Variants in PTPRF observed in about 807,000 individuals in gnomAD.
The protein encoded by PTPRF is receptor-type tyrosine-protein phosphatase F.
In PTPRF, 59 loss-of-function variants were observed where a neutral mutation model predicts 201.8. The ratio of observed to expected loss-of-function variants is 0.29; its 90% CI spans 0.24 to 0.36. PTPRF has a LOEUF of 0.36. Among genes scored for constraint, PTPRF ranks in the 10% least tolerant of loss-of-function variants. The pLI, the probability that PTPRF is intolerant of heterozygous loss-of-function variation, is 1.00. For missense variants in PTPRF, 2,132 were observed against 2,690.5 expected, an observed-to-expected ratio of 0.79 and a Z score of 4.59; for synonymous variants, 1,088 against 1,089.7, an observed-to-expected ratio of 1.00 and a Z score of 0.03.
In PTPRF at chr1:43,619,588, G is replaced by A; in HGVS notation, c.4932+15G>A. On this transcript the variant is annotated intron_variant, in intron 28 of 33. Transcript: ENST00000359947. Reference sequence around the variant, plus strand: ...TCGAGTTCAAGGTGGGGCTCGGGTGGGCCTGCTTGGCTCCAGGGCCTAGAC... The same window carrying A: ...TCGAGTTCAAGGTGGGGCTCGGGTGAGCCTGCTTGGCTCCAGGGCCTAGAC... 1 of 1,610,864 alleles carries A rather than the reference G, an allele frequency of 6.2e-7. No homozygotes were observed.
At position 43,582,407 on chromosome 1, in the gene PTPRF, C is replaced by A. The variant is rs527966031; in HGVS notation, c.679+3487C>A. The A allele has an allele frequency of 1.4e-3, 209 of 152,512 alleles. 1 individual carries two copies. The highest frequency in any genetic ancestry group is 0.014 in the Middle Eastern group (4 of 296). 9.4% of individuals were successfully genotyped at this position (152,512 alleles called of 1,614,324 possible). A position where few individuals can be genotyped will look rare whatever the true frequency, so the allele number is the denominator to read the frequency against. ...CCCAGGCATGCTGGGTGGGCCAGAG[C>A]CTTTCTCCTTCACCACCTGACTCTC... On this transcript the variant is annotated intron_variant, in intron 7 of 33. Transcript: ENST00000359947.
At chr1:43,544,675 G>T (rs1412096243) in intron 2 of PTPRF, among the ~76,000 whole-genome samples, 1 of 152,192 alleles carries the variant, frequency 6.6e-6, no homozygotes, top group Admixed American at 6.5e-5. Flanking sequence ...CCTCTTATGG[G>T]GGTGAGTTAG....
intron 22 of PTPRF, 83 bp from the exon 23 acceptor site, chr1:43,613,535 G>A (rs903558548): frequency 1.8e-6 from 2 of 1,110,302 alleles, no homozygotes; most frequent in Admixed American, 1.7e-5. Context: ...GTTCACATGT[G>A]CACATACATG....
intron 2 of PTPRF, among the ~76,000 whole-genome samples, chr1:43,541,344 C>T (rs1644350581): frequency 1.3e-5 from 2 of 152,228 alleles, no homozygotes; most frequent in Admixed American, 6.5e-5. Flanking sequence ...AAGCCCCCAT[C>T]ACATGGTCCC....
chr1:43,528,720 C>T (rs1643222308), upstream of PTPRF: 1 of 152,184 alleles, frequency 6.6e-6, no homozygotes, highest in Admixed American at 6.5e-5. Flanking sequence ...GATTAAATTG[C>T]TGAAGATGCC....
chr1:43,527,088 A>G (rs1643147667), upstream of PTPRF, among the ~76,000 whole-genome samples: 1 of 152,232 alleles, frequency 6.6e-6, no homozygotes, highest in Admixed American at 6.5e-5. Flanking sequence ...AGGTGTATTT[A>G]CGTCATGAGT....
At chr1:43,593,143 G>A (rs1398253298) in intron 11 of PTPRF, among the ~76,000 whole-genome samples, 1 of 152,252 alleles carries the variant, frequency 6.6e-6, no homozygotes, top group East Asian at 1.9e-4. Flanking sequence ...GCCCACGTGT[G>A]CCTTGAATTG....
chr1:43,608,480 G>C (rs1655671928), intron 21 of PTPRF, among the ~76,000 whole-genome samples: 1 of 152,176 alleles, frequency 6.6e-6, no homozygotes, highest in African/African-American at 2.4e-5. Context: ...CAGGCTCCCT[G>C]GTTCAGGACT....
intron 7 of PTPRF, among the ~76,000 whole-genome samples, chr1:43,586,996 A>G (rs915896878): frequency 6.6e-5 from 10 of 152,230 alleles, no homozygotes; most frequent in Non-Finnish European, 1.5e-4. Flanking sequence ...CTGAATGTCT[A>G]CAAGATACTC....
chr1:43,594,237 C>T (rs1651645099), intron 11 of PTPRF, among the ~76,000 whole-genome samples: 1 of 792 alleles, frequency 1.3e-3, no homozygotes, highest in South Asian at 0.02. Flanking sequence ...TGTTCATTTA[C>T]CAGTTGGCTC....
Position 43,554,075 on chromosome 1 carries a change from T to G in PTPRF, c.379+134T>G, listed in dbSNP as rs1645196648. 9.6e-6 allele frequency: 12 copies of G among 1,245,810 alleles called. No homozygotes were observed. The East Asian group carries it at 1.0e-4, about 11-fold the overall frequency. The allele number at this position is 1,245,810 out of a possible 1,614,324, so 77.2% of individuals were successfully genotyped here. The stretch of plus-strand genomic sequence containing the variant: ...CTGGCCACCTCGGGGTCAGTGAAAG[T>G]CAGTGGTGGACAGGGATAGTCATTG... On this transcript the variant is annotated intron_variant, in intron 5 of 33. Coordinates refer to ENST00000359947, the MANE Select transcript of PTPRF (RefSeq NM_002840.5). The surrounding 1 kb of genome is among the most constrained non-coding windows in gnomAD (Gnocchi z 4.1).
intron 5 of PTPRF, among the ~76,000 whole-genome samples, chr1:43,564,643 G>A (rs1646035247): frequency 6.6e-6 from 1 of 152,182 alleles, no homozygotes; most frequent in African/African-American, 2.4e-5. Flanking sequence ...GTGTCTGTGT[G>A]TTGAGAGGCA....
At chr1:43,592,153 G>A (rs973940717) in intron 10 of PTPRF, among the ~76,000 whole-genome samples, 3 of 151,648 alleles carry the variant, frequency 2.0e-5, no homozygotes, top group Non-Finnish European at 4.4e-5. Flanking sequence ...CTGTGCTAGG[G>A]GCAAAGTCCC....
intron 5 of PTPRF, among the ~76,000 whole-genome samples, chr1:43,561,918 CT>C (rs1645832202): frequency 1.3e-5 from 2 of 152,340 alleles, no homozygotes; most frequent in African/African-American, 2.4e-5. Context: ...GCCTGCCCCC[CT>C]GCCCCTATAC....
At chr1:43,550,164 C>T (rs1449986452) in intron 3 of PTPRF, among the ~76,000 whole-genome samples, 1 of 141,992 alleles carries the variant, frequency 7.0e-6, no homozygotes, top group African/African-American at 2.6e-5. Context: ...GGTGGGCGGG[C>T]AGGGTGCAGG....
chr1:43,553,493 C>T lies in PTPRF; in HGVS notation c.93C>T (p.Ser31=). ...LGLVAGAHGD[S]KPVFIKVPED... Reference sequence around the variant, plus strand: ...ACTTGGTGTCTCCATCTCTTCCAGGCAAACCTGTCTTCATTAAAGTCCCTG... The same window carrying T: ...ACTTGGTGTCTCCATCTCTTCCAGGTAAACCTGTCTTCATTAAAGTCCCTG... Residue 31 remains serine (S), a splice_region_variant and synonymous_variant, in exon 4 of 34, where the codon AGC becomes AGT. Transcript: ENST00000359947. The surrounding 1 kb of genome is among the most constrained non-coding windows in gnomAD (Gnocchi z 4.1). 1 of 1,613,740 alleles carries T rather than the reference C, an allele frequency of 6.2e-7. No individual in the cohort carries two copies. Among genetic ancestry groups the T allele is most frequent in the Non-Finnish European group, 8.5e-7 (1 of 1,179,710 alleles).
chr1:43,525,512 G>C (rs1643071683), upstream of PTPRF, among the ~76,000 whole-genome samples: 1 of 152,004 alleles, frequency 6.6e-6, no homozygotes, highest in Non-Finnish European at 1.5e-5. Flanking sequence ...TATATCAAGA[G>C]CAACATCAGG....
At chr1:43,602,998 G>A (rs1654141759) in intron 14 of PTPRF, among the ~76,000 whole-genome samples, 1 of 152,168 alleles carries the variant, frequency 6.6e-6, no homozygotes, top group Non-Finnish European at 1.5e-5. Flanking sequence ...ATGCACTGGT[G>A]TCCACAGGCA....
intron 22 of PTPRF, among the ~76,000 whole-genome samples, chr1:43,610,094 A>G (rs139993883): frequency 2.1e-4 from 32 of 152,276 alleles, no homozygotes; most frequent in African/African-American, 7.7e-4. Context: ...CCACAGGGTT[A>G]GGTGTCTCTT....
Sources: gnomAD v4.1 joint callset for allele counts (sites outside exome capture counted in the v4.1 genomes callset) on GRCh38, gnomAD v4.1.1 for gene constraint, Gnocchi (gnomAD v3.1) non-coding constraint, MANE v1.5 for transcripts, NCBI Gene and HGNC (gene_info 2026-07-23, HGNC 2026-07-21) for gene names.